Variants in XKR6 observed in about 807,000 individuals in gnomAD.
The protein encoded by XKR6 is XK related 6, also known as XK-related protein 6.
In XKR6, 22 loss-of-function variants were observed where a neutral mutation model predicts 56.7. That is an observed-to-expected ratio of 0.39 (90% CI 0.28 to 0.55). XKR6 has a LOEUF of 0.55. Ranked by LOEUF, XKR6 falls within the 20% of genes least tolerant of loss-of-function variation. The pLI is 0.66. For synonymous variants in XKR6, 524 were observed against 387.8 expected (o/e 1.35, Z -4.13); for missense variants, 852 against 889.0 (o/e 0.96, Z 0.53).
chr8:11,056,037 C>T (rs1225940811), intron 1 of XKR6, among the ~76,000 whole-genome samples: 1 of 152,176 alleles, frequency 6.6e-6, no homozygotes, highest in East Asian at 1.9e-4. Context: ...ATTCCTCTCC[C>T]GCCCCACTTC....
intron 1 of XKR6, among the ~76,000 whole-genome samples, chr8:11,082,084 G>T (rs1393544371): frequency 3.3e-5 from 5 of 152,208 alleles, no homozygotes; most frequent in Non-Finnish European, 7.3e-5. Context: ...TGCAGACAGA[G>T]ACTCACCTCC....
At chr8:11,192,662 T>C (rs1386613830) in intron 1 of XKR6, among the ~76,000 whole-genome samples, 1 of 152,118 alleles carries the variant, frequency 6.6e-6, no homozygotes, top group East Asian at 1.9e-4. Flanking sequence ...CAGGTGTTCA[T>C]TATACTGCTC....
intron 2 of XKR6, among the ~76,000 whole-genome samples, chr8:10,920,838 T>G (rs578142158): frequency 6.6e-6 from 1 of 152,262 alleles, no homozygotes; most frequent in Non-Finnish European, 1.5e-5. Flanking sequence ...CACTGGCCTT[T>G]GTTTAGTCCA....
chr8:11,102,134 G>A (rs1798507284), intron 1 of XKR6, among the ~76,000 whole-genome samples: 1 of 152,064 alleles, frequency 6.6e-6, no homozygotes, highest in African/African-American at 2.4e-5. Flanking sequence ...CAAACCTGTG[G>A]GTCAATCCCA....
At chr8:10,975,490 A>G (rs527764673) in intron 1 of XKR6, among the ~76,000 whole-genome samples, 7 of 152,332 alleles carry the variant, frequency 4.6e-5, no homozygotes, top group African/African-American at 1.7e-4. Flanking sequence ...CCACTGCGAG[A>G]GTTTCCATGC....
At chr8:11,104,430 C>T (rs192879742) in intron 1 of XKR6, among the ~76,000 whole-genome samples, 1 of 152,276 alleles carries the variant, frequency 6.6e-6, no homozygotes, top group East Asian at 1.9e-4. Flanking sequence ...CTCAATCGGG[C>T]GAGATATAAA....
chr8:10,930,447 T>G (rs576797218), intron 1 of XKR6, among the ~76,000 whole-genome samples: 64 of 152,308 alleles, frequency 4.2e-4, no homozygotes, highest in African/African-American at 1.3e-3. Context: ...CTATTCATTT[T>G]ATGAGGCCGG....
At chr8:11,144,974 G>A (rs898617584) in intron 1 of XKR6, among the ~76,000 whole-genome samples, 18 of 142,058 alleles carry the variant, frequency 1.3e-4, no homozygotes, top group Admixed American at 7.2e-5. Flanking sequence ...AAGGAAGGGA[G>A]AGAAGGGAGG....
chr8:11,048,316 C>T (rs765224861), intron 1 of XKR6, among the ~76,000 whole-genome samples: 5 of 152,070 alleles, frequency 3.3e-5, no homozygotes, highest in South Asian at 2.1e-4. Flanking sequence ...TTAGGGCAGA[C>T]GACTCAGGAA....
intron 1 of XKR6, among the ~76,000 whole-genome samples, chr8:10,983,714 G>C (rs1053097178): frequency 6.6e-6 from 1 of 150,984 alleles, no homozygotes. Context: ...GGAGTGCAGT[G>C]GCCTGATCTC....
intron 1 of XKR6, among the ~76,000 whole-genome samples, chr8:11,153,928 G>T (rs1197295780): frequency 2.3e-4 from 35 of 152,134 alleles, no homozygotes. Context: ...CTGGACTACT[G>T]CAAGTATTCT....
At chr8:11,161,790 T>C (rs1025130801) in intron 1 of XKR6, among the ~76,000 whole-genome samples, 3 of 152,092 alleles carry the variant, frequency 2.0e-5, no homozygotes, top group Non-Finnish European at 2.9e-5. Flanking sequence ...TGTAAAATTA[T>C]AAAATATTTA....
intron 1 of XKR6, chr8:11,114,000 C>T (rs1353990169): frequency 2.6e-6 from 1 of 390,226 alleles, no homozygotes; most frequent in Non-Finnish European, 4.9e-6. Context: ...GAAGTGGTTT[C>T]AGGACGAGGC....
At chr8:11,085,583 A>G (rs1289906740) in intron 1 of XKR6, among the ~76,000 whole-genome samples, 1 of 152,102 alleles carries the variant, frequency 6.6e-6, no homozygotes, top group African/African-American at 2.4e-5. Flanking sequence ...GCACTGCTGG[A>G]CGAGGAGGGG....
intron 1 of XKR6, among the ~76,000 whole-genome samples, chr8:11,159,312 A>C (rs1242954594): frequency 6.6e-6 from 1 of 152,244 alleles, no homozygotes; most frequent in Admixed American, 6.5e-5. Context: ...ATATAATTTA[A>C]GTAAGTCATT....
intron 1 of XKR6, among the ~76,000 whole-genome samples, chr8:11,154,408 G>A (rs1801409207): frequency 6.6e-6 from 1 of 152,228 alleles, no homozygotes; most frequent in East Asian, 1.9e-4. Context: ...CCATGGAAGA[G>A]GAGAACGGAA....
chr8:11,037,848 A>G (rs1226285450), intron 1 of XKR6, among the ~76,000 whole-genome samples: 4 of 137,160 alleles, frequency 2.9e-5, no homozygotes, highest in Admixed American at 1.4e-4. Context: ...ACAGAGCGAG[A>G]CTTGGTTTCA....
intron 1 of XKR6, among the ~76,000 whole-genome samples, chr8:11,189,305 T>C (rs948388790): frequency 7.9e-5 from 12 of 152,236 alleles, no homozygotes; most frequent in African/African-American, 2.7e-4. Context: ...TCTGTGTTCA[T>C]AATAATGACC....
intron 1 of XKR6, among the ~76,000 whole-genome samples, chr8:11,148,326 C>A (rs866175586): frequency 6.6e-6 from 1 of 152,168 alleles, no homozygotes; most frequent in African/African-American, 2.4e-5. Context: ...GAAAGTGACA[C>A]GGGATGTGCA....
Sources: gnomAD v4.1 joint callset for allele counts (sites outside exome capture counted in the v4.1 genomes callset) on GRCh38, gnomAD v4.1.1 for gene constraint, MANE v1.5 for transcripts, NCBI Gene and HGNC (gene_info 2026-07-23, HGNC 2026-07-21) for gene names.